The following SPAG16 variants were observed in gnomAD, a reference collection of about 807,000 sequenced individuals.
SPAG16 encodes sperm associated antigen 16, also known as sperm-associated antigen 16 protein.
In SPAG16, 86 loss-of-function variants were observed where a neutral mutation model predicts 80.4. The ratio of observed to expected loss-of-function variants is 1.07; its 90% CI spans 0.90 to 1.28. SPAG16 has a LOEUF of 1.28. Ranked by LOEUF, SPAG16 falls within the 50% of genes most tolerant of loss-of-function variation. SPAG16 has a pLI of 0.00. For synonymous variants in SPAG16, 294 were observed against 265.9 expected (o/e 1.11, Z -1.03); for missense variants, 870 against 765.3 (o/e 1.14, Z -1.61).
intron 10 of SPAG16, among the ~76,000 whole-genome samples, chr2:213,617,393 A>G (rs887308787): frequency 6.6e-6 from 1 of 152,134 alleles, no homozygotes; most frequent in African/African-American, 2.4e-5. Flanking sequence ...CTAGGCTAAT[A>G]TGCAATGGCC....
At chr2:214,024,659 G>A (rs2048043247) in intron 13 of SPAG16, among the ~76,000 whole-genome samples, 1 of 151,448 alleles carries the variant, frequency 6.6e-6, no homozygotes, top group Non-Finnish European at 1.5e-5. Context: ...TATTCAGATT[G>A]ATGTGAAATT....
At chr2:214,166,533 C>T (rs2056663300) in intron 15 of SPAG16, among the ~76,000 whole-genome samples, 1 of 152,186 alleles carries the variant, frequency 6.6e-6, no homozygotes, top group Non-Finnish European at 1.5e-5. Flanking sequence ...ATTTTCTCTC[C>T]TCAAGCCTAG....
intron 15 of SPAG16, among the ~76,000 whole-genome samples, chr2:214,402,781 A>G (rs1207679706): frequency 6.6e-6 from 1 of 152,102 alleles, no homozygotes; most frequent in Admixed American, 6.6e-5. Context: ...TGAGTTTGTC[A>G]CTTATTCCCA....
chr2:213,749,605 G>T (rs1247020520), intron 10 of SPAG16, among the ~76,000 whole-genome samples: 4 of 152,082 alleles, frequency 2.6e-5, no homozygotes. Context: ...AGAATATGTT[G>T]TATACTATAG....
chr2:213,314,021 A>G (rs958527087), intron 4 of SPAG16, among the ~76,000 whole-genome samples: 1 of 151,866 alleles, frequency 6.6e-6, no homozygotes, highest in African/African-American at 2.4e-5. Context: ...AGGGAAAAAT[A>G]ATCCTTATTC....
In SPAG16 at chr2:213,862,490, C is replaced by T. The variant is rs768464049; in HGVS notation, c.1076C>T (p.Ser359Phe). The change falls in exon 11 of 16, where the codon TCC (serine) becomes TTC (phenylalanine). Residue 359 changes from serine (S) to phenylalanine (F), a missense_variant. Transcript: ENST00000331683. ...TTTTCTTTCTCCTCGCGCAGTGTCTCCATGCAACCCCACAAAGACATCCTA... is the reference window on the plus strand; with the variant it reads ...TTTTCTTTCTCCTCGCGCAGTGTCTTCATGCAACCCCACAAAGACATCCTA... Reference protein sequence around the residue: ...RLHELPVSCVSMQPHKDILVS... With the variant: ...RLHELPVSCVFMQPHKDILVS... 6.2e-6 allele frequency: 10 copies of T among 1,613,936 alleles called. No homozygotes were observed. The highest frequency in any genetic ancestry group is 8.5e-6 in the Non-Finnish European group (10 of 1,179,846).
chr2:214,321,906 T>C (rs979865489), intron 15 of SPAG16, among the ~76,000 whole-genome samples: 1 of 152,234 alleles, frequency 6.6e-6, no homozygotes, highest in Non-Finnish European at 1.5e-5. Context: ...AAGCCTGCTA[T>C]ACCCCCAATC....
intron 6 of SPAG16, among the ~76,000 whole-genome samples, chr2:213,342,370 T>G (rs58075048): frequency 6.9e-6 from 1 of 145,260 alleles, no homozygotes; most frequent in Non-Finnish European, 1.5e-5. Flanking sequence ...ATTACATATA[T>G]ATGTATTATA....
intron 10 of SPAG16, among the ~76,000 whole-genome samples, chr2:213,610,844 A>G (rs1435152518): frequency 6.6e-6 from 1 of 152,208 alleles, no homozygotes; most frequent in African/African-American, 2.4e-5. Flanking sequence ...CTTAATTACT[A>G]TATTTTGCAA....
intron 10 of SPAG16, among the ~76,000 whole-genome samples, chr2:213,586,935 G>A (rs995784523): frequency 6.6e-6 from 1 of 152,118 alleles, no homozygotes; most frequent in Admixed American, 6.5e-5. Context: ...CATGGCTTTG[G>A]GAAGCCCCAC....
intron 15 of SPAG16, among the ~76,000 whole-genome samples, chr2:214,195,353 CTT>C (rs558719334): frequency 1.9e-3 from 103 of 53,776 alleles, no homozygotes; most frequent in South Asian, 0.017. Context: ...GATATATAGA[CTT>C]GACATATTTC....
intron 15 of SPAG16, among the ~76,000 whole-genome samples, chr2:214,206,293 C>T (rs2125733955): frequency 6.6e-6 from 1 of 152,256 alleles, no homozygotes; most frequent in East Asian, 1.9e-4. Flanking sequence ...CTCTTTCTCC[C>T]AGCTTTCTGG....
chr2:213,632,884 C>G (rs947194274), intron 10 of SPAG16, among the ~76,000 whole-genome samples: 2 of 152,046 alleles, frequency 1.3e-5, no homozygotes, highest in Non-Finnish European at 2.9e-5. Flanking sequence ...TTACTTTGTT[C>G]AGGCTGTTTG....
At chr2:213,980,637 G>GTA (rs1356817551) in intron 12 of SPAG16, among the ~76,000 whole-genome samples, 3 of 142,990 alleles carry the variant, frequency 2.1e-5, no homozygotes, top group South Asian at 4.3e-4. Flanking sequence ...ATATATGTGT[G>GTA]TATATATATA....
At chr2:214,389,528 G>A (rs1444351025) in intron 15 of SPAG16, among the ~76,000 whole-genome samples, 1 of 152,230 alleles carries the variant, frequency 6.6e-6, no homozygotes, top group Admixed American at 6.5e-5. Flanking sequence ...GTCAGAAGAT[G>A]TAGGAAATCA....
intron 5 of SPAG16, among the ~76,000 whole-genome samples, chr2:213,336,302 A>G (rs932290076): frequency 6.6e-6 from 1 of 152,330 alleles, no homozygotes; most frequent in East Asian, 1.9e-4. Context: ...ACCAAGACAC[A>G]GTATTTGCAT....
At chr2:213,699,917 G>A (rs970648940) in intron 10 of SPAG16, among the ~76,000 whole-genome samples, 1 of 152,206 alleles carries the variant, frequency 6.6e-6, no homozygotes, top group African/African-American at 2.4e-5. Context: ...TGATAGGACA[G>A]CTTGAATCCT....
chr2:214,211,273 T>C (rs2058286310), intron 15 of SPAG16, among the ~76,000 whole-genome samples: 1 of 152,196 alleles, frequency 6.6e-6, no homozygotes, highest in Non-Finnish European at 1.5e-5. Flanking sequence ...CTACTCTAAC[T>C]TGCTGAATCA....
At chr2:214,196,668 T>C (rs913005127) in intron 15 of SPAG16, among the ~76,000 whole-genome samples, 1 of 152,088 alleles carries the variant, frequency 6.6e-6, no homozygotes, top group Non-Finnish European at 1.5e-5. Flanking sequence ...TATATGCCTG[T>C]TACATTATTT....
Sources: gnomAD v4.1 joint callset for allele counts (sites outside exome capture counted in the v4.1 genomes callset) on GRCh38, gnomAD v4.1.1 for gene constraint, MANE v1.5 for transcripts, NCBI Gene and HGNC (gene_info 2026-07-23, HGNC 2026-07-21) for gene names.